The following GNG5 variants were observed in gnomAD, a reference collection of about 807,000 sequenced individuals.
GNG5 encodes guanine nucleotide-binding protein G(I)/G(S)/G(O) subunit gamma-5.
Under a neutral mutation model 6.2 loss-of-function variants are expected in GNG5, and 2 were observed. The observed-to-expected ratio is 0.32, with a 90% CI of 0.13 to 1.01. GNG5 has a LOEUF of 1.01. Ranked by LOEUF, GNG5 falls within the 50% of genes least tolerant of loss-of-function variation. The pLI is 0.48. For synonymous variants in GNG5, 24 were observed against 33.0 expected, an observed-to-expected ratio of 0.73 and a Z score of 0.93; for missense variants, 57 against 80.2, an observed-to-expected ratio of 0.71 and a Z score of 1.10.
rs1279338133 is a variant in GNG5 at position 84,506,157 on chromosome 1, G to C, written c.-66C>G. The C allele has an allele frequency of 1.2e-5, 16 of 1,384,206 alleles. No individual in the cohort carries two copies. Among genetic ancestry groups the C allele is most frequent in the South Asian group, 3.9e-5 (3 of 77,144 alleles). The allele number at this position is 1,384,206 out of a possible 1,614,324, so 85.7% of individuals were successfully genotyped here. ...CGTGGGCCGTGGGTCGGCGGGGCCA[G>C]ACAACTCAGCGGCGCGCGGCGGGGG... On this transcript the variant is annotated 5_prime_UTR_variant, in exon 2 of 4. Transcript: ENST00000370645.
intron 3 of GNG5, among the ~76,000 whole-genome samples, chr1:84,501,603 A>G (rs1682058590): frequency 1.3e-5 from 2 of 152,198 alleles, no homozygotes; most frequent in South Asian, 4.1e-4. Flanking sequence ...TGGTTATTAA[A>G]TCCTCTACTT....
At chr1:84,502,801 CAA>C (rs1237057065) in intron 2 of GNG5, among the ~76,000 whole-genome samples, 5 of 152,182 alleles carry the variant, frequency 3.3e-5, no homozygotes, top group African/African-American at 1.2e-4. Flanking sequence ...TACTGATCCT[CAA>C]ATTTATCAGA....
intron 2 of GNG5, 28 bp from the exon 3 acceptor site, chr1:84,501,998 GC>G: frequency 1.9e-6 from 3 of 1,584,936 alleles, no homozygotes; most frequent in Non-Finnish European, 2.6e-6. Flanking sequence ...GGGGGGAAGT[GC>G]CAGATGGTGA....
In GNG5 at chr1:84,505,937, C is replaced by T. The variant is rs777955873; in HGVS notation, c.81+74G>A. On this transcript the variant is annotated intron_variant, in intron 2 of 3. Coordinates refer to ENST00000370645, the MANE Select transcript of GNG5 (RefSeq NM_005274.3). ...AGGGCCGGCGCGTGTCCCGCCCGCC[C>T]CCGCCAGCTGGGCCGCCGGATCCCA... 393 of 1,091,404 alleles carry T rather than the reference C, an allele frequency of 3.6e-4. 2 individuals are homozygous for T. The highest frequency in any genetic ancestry group is 3.2e-4 in the Middle Eastern group (1 of 3,088). 67.6% of individuals were successfully genotyped at this position (1,091,404 alleles called of 1,614,324 possible). A position where few individuals can be genotyped will look rare whatever the true frequency, so the allele number is the denominator to read the frequency against.
intron 3 of GNG5, among the ~76,000 whole-genome samples, chr1:84,499,837 C>T (rs1172147917): frequency 6.6e-6 from 1 of 152,208 alleles, no homozygotes; most frequent in Non-Finnish European, 1.5e-5. Context: ...AATACAGGGC[C>T]GGGCACGGTG....
chr1:84,502,301 T>C (rs1682075506), intron 2 of GNG5, among the ~76,000 whole-genome samples: 1 of 151,628 alleles, frequency 6.6e-6, no homozygotes, highest in Non-Finnish European at 1.5e-5. Context: ...GCCCAGCTAG[T>C]TTTTCTATTT....
In GNG5 at chr1:84,501,983, AAG is replaced by A. The variant is rs1329998698; in HGVS notation, c.82-15_82-14del. On this transcript the variant is annotated splice_polypyrimidine_tract_variant and intron_variant, in intron 2 of 3. Coordinates refer to ENST00000370645, the MANE Select transcript of GNG5 (RefSeq NM_005274.3). The stretch of plus-strand genomic sequence containing the variant: ...CTGCCTGGGAAACCTATACATAACA[AAG>A]AGGGGGGGAAGTGCCAGATGGTGAG... The A allele has an allele frequency of 2.2e-5, 36 of 1,604,244 alleles. No individual in the cohort carries two copies. Among genetic ancestry groups the A allele is most frequent in the African/African-American group, 9.4e-5 (7 of 74,698 alleles).
intron 3 of GNG5, among the ~76,000 whole-genome samples, 200 bp downstream of exon 3, chr1:84,501,626 G>C (rs1682059237): frequency 6.6e-6 from 1 of 151,964 alleles, no homozygotes; most frequent in Admixed American, 6.6e-5. Context: ...CCTTCTTTAT[G>C]GTAAAATAGA....
chr1:84,503,767 C>T (rs1682102474), intron 2 of GNG5: 3 of 152,164 alleles, frequency 2.0e-5, no homozygotes. Flanking sequence ...CAGCCAGAGC[C>T]CTGTTGTTAT....
At chr1:84,505,255 A>G (rs1388408798) in intron 2 of GNG5, among the ~76,000 whole-genome samples, 1 of 152,250 alleles carries the variant, frequency 6.6e-6, no homozygotes, top group Non-Finnish European at 1.5e-5. Context: ...AAGTACCCCA[A>G]GACAAGGCCA....
Position 84,501,894 on chromosome 1 carries a change from G to A in GNG5, c.158C>T (p.Ser53Phe), listed in dbSNP as rs1285419086. 1 of 1,604,216 alleles carries A rather than the reference G, an allele frequency of 6.2e-7. No homozygotes were observed. Among genetic ancestry groups the A allele is most frequent in the Non-Finnish European group, 8.5e-7 (1 of 1,171,152 alleles). Reference protein sequence around the residue: ...AQHDPLLTGVSSSTNPFRPQK... With the variant: ...AQHDPLLTGVFSSTNPFRPQK... ...GGGTCTGAAGGGATTTGTACTTGAAGATACTCCAGTCAGCAGAGGGTCATG... is the reference window on the plus strand; with the variant it reads ...GGGTCTGAAGGGATTTGTACTTGAAAATACTCCAGTCAGCAGAGGGTCATG... Residue 53 changes from serine (S) to phenylalanine (F), a missense_variant, in exon 3 of 4, where the codon TCT becomes TTT. Coordinates refer to ENST00000370645, the MANE Select transcript of GNG5 (RefSeq NM_005274.3).
chr1:84,504,312 T>C (rs1682113351), intron 2 of GNG5, among the ~76,000 whole-genome samples: 2 of 152,212 alleles, frequency 1.3e-5, no homozygotes, highest in Non-Finnish European at 2.9e-5. Flanking sequence ...CCCTTCTTGC[T>C]ACAGCCTTAA....
intron 2 of GNG5, among the ~76,000 whole-genome samples, chr1:84,503,133 C>T (rs1682090626): frequency 6.6e-6 from 1 of 152,170 alleles, no homozygotes; most frequent in Non-Finnish European, 1.5e-5. Context: ...ATTAACGGAC[C>T]CGTTCAGACG....
chr1:84,503,697 A>G (rs1261405154), intron 2 of GNG5: 1 of 152,246 alleles, frequency 6.6e-6, no homozygotes, highest in African/African-American at 2.4e-5. Context: ...ACTCGCTTTC[A>G]CAATTTTCAA....
Position 84,505,999 on chromosome 1 carries a change from G to A in GNG5, c.81+12C>T. 2.0e-6 allele frequency: 3 copies of A among 1,498,596 alleles called. No individual in the cohort carries two copies. The highest frequency in any genetic ancestry group is 1.3e-5 in the South Asian group (1 of 77,462). 92.8% of individuals were successfully genotyped at this position (1,498,596 alleles called of 1,614,324 possible). ...CGCCTTCCTCCCGCCTCGGCCGCCC[G>A]CCCCCGCTCACTTTTACGCGGTTGA... On this transcript the variant is annotated intron_variant, in intron 2 of 3. Coordinates refer to ENST00000370645, the MANE Select transcript of GNG5 (RefSeq NM_005274.3).
chr1:84,502,753 A>G (rs540404821), intron 2 of GNG5, among the ~76,000 whole-genome samples: 17 of 152,360 alleles, frequency 1.1e-4, no homozygotes, highest in African/African-American at 4.1e-4. Flanking sequence ...TAACTAGCAC[A>G]TAATTTAGAA....
At position 84,506,032 on chromosome 1, in the gene GNG5, C is replaced by A; in HGVS notation, c.60G>T (p.Glu20Asp). The A allele has an allele frequency of 6.4e-7, 1 of 1,570,216 alleles. No homozygotes were observed. Among genetic ancestry groups the A allele is most frequent in the Non-Finnish European group, 8.6e-7 (1 of 1,160,736 alleles). ...TCACTTTTACGCGGTTGAGTCCGGC[C>A]TCCAGCCGGAGCTGTTGAACCACTT... ...MKKVVQQLRL[E>D]AGLNRVKVSQ... The change falls in exon 2 of 4, where the codon GAG (glutamate) becomes GAT (aspartate). Residue 20 changes from glutamate (E) to aspartate (D), a missense_variant. Glu to Asp is a conservative substitution (Grantham distance 45, BLOSUM62 2). Coordinates refer to ENST00000370645, the MANE Select transcript of GNG5 (RefSeq NM_005274.3).
chr1:84,498,867 G>A (rs1460220489), intron 3 of GNG5, among the ~76,000 whole-genome samples: 2 of 152,202 alleles, frequency 1.3e-5, no homozygotes, highest in African/African-American at 4.8e-5. Context: ...TAGCAGGGCA[G>A]TTTGGCAGTA....
At position 84,500,858 on chromosome 1, in the gene GNG5, T is replaced by C. The variant is rs528508562; in HGVS notation, c.*19+968A>G. Among the ~76,000 whole-genome samples the C allele has an allele frequency of 8.5e-5, 13 of 152,256 alleles. No homozygotes were observed. The South Asian group carries it at 2.7e-3, about 32-fold the overall frequency. The stretch of plus-strand genomic sequence containing the variant: ...TATTTTAGGAAGCAGCTTCCTGGAC[T>C]TTGGAGAAGTCAGAAAGTTAGTAAG... On this transcript the variant is annotated intron_variant, in intron 3 of 3. Transcript: ENST00000370645.
Sources: gnomAD v4.1 joint callset for allele counts (sites outside exome capture counted in the v4.1 genomes callset) on GRCh38, gnomAD v4.1.1 for gene constraint, MANE v1.5 for transcripts, NCBI Gene and HGNC (gene_info 2026-07-23, HGNC 2026-07-21) for gene names.